The following TAFA2 variants were observed in gnomAD, a reference collection of about 807,000 sequenced individuals.
The protein encoded by TAFA2 is chemokine-like protein TAFA-2.
A neutral mutation model predicts 18.8 loss-of-function variants in TAFA2; 7 were observed. That is an observed-to-expected ratio of 0.37 (90% CI 0.21 to 0.70). TAFA2 has a LOEUF of 0.70. TAFA2 is among the 30% of genes least tolerant of loss of function. The probability of loss-of-function intolerance (pLI) is 0.53; values close to 1 mark genes in which losing one functional copy is unlikely to be tolerated. For synonymous variants in TAFA2, 60 were observed against 54.2 expected, an observed-to-expected ratio of 1.11 and a Z score of -0.47; for missense variants, 122 against 158.1, an observed-to-expected ratio of 0.77 and a Z score of 1.23.
intron 2 of TAFA2, among the ~76,000 whole-genome samples, chr12:61,821,361 G>A (rs1455450045): frequency 6.6e-6 from 1 of 151,948 alleles, no homozygotes; most frequent in Admixed American, 6.6e-5. Flanking sequence ...GCTAATCTAG[G>A]AAGAGGTTAG....
At chr12:61,951,187 C>T (rs1878452973) in intron 1 of TAFA2, among the ~76,000 whole-genome samples, 1 of 152,122 alleles carries the variant, frequency 6.6e-6, no homozygotes, top group Non-Finnish European at 1.5e-5. Context: ...GGATATGTGA[C>T]GCAGGAAAAA....
intron 2 of TAFA2, 52 bp from the exon 3 acceptor site, chr12:61,755,076 C>G: frequency 6.3e-7 from 1 of 1,577,464 alleles, no homozygotes; most frequent in Middle Eastern, 1.7e-4. Context: ...GGACACTTCC[C>G]CCCACCCTTC....
chr12:62,176,999 A>C (rs887979890), intron 1 of TAFA2, among the ~76,000 whole-genome samples: 15 of 152,360 alleles, frequency 9.8e-5, no homozygotes, highest in Admixed American at 3.3e-4. Flanking sequence ...GAAGGACACT[A>C]GTCCCTTACT....
At chr12:62,033,033 A>T (rs1185584067) in intron 1 of TAFA2, among the ~76,000 whole-genome samples, 1 of 152,134 alleles carries the variant, frequency 6.6e-6, no homozygotes, top group African/African-American at 2.4e-5. Flanking sequence ...TCTGCCCTGC[A>T]TGGAAACACG....
rs562151752 is a variant in TAFA2 at position 62,230,480 on chromosome 12, A to G, written c.-130+28283T>C. 6.6e-5 allele frequency among the ~76,000 whole-genome samples: 10 copies of G among 152,130 alleles called. No homozygotes were observed. In the South Asian group the frequency reaches 1.5e-3, roughly 22 times the overall value. On this transcript the variant is annotated intron_variant, in intron 1 of 5. Coordinates refer to the TAFA2 transcript ENST00000551619. ...TTCTTCATCAGCCCCTTGATCATTCAGGAGGATGTTGTTTTATTTCCATGA... is the reference window on the plus strand; with the variant it reads ...TTCTTCATCAGCCCCTTGATCATTCGGGAGGATGTTGTTTTATTTCCATGA...
At chr12:61,758,276 T>C (rs755715653) in intron 2 of TAFA2, among the ~76,000 whole-genome samples, 55 of 152,012 alleles carry the variant, frequency 3.6e-4, no homozygotes, top group African/African-American at 1.3e-3. Context: ...AGAGCTGGAA[T>C]GAATCATGGG....
At chr12:62,055,672 G>A (rs775115117) in intron 1 of TAFA2, among the ~76,000 whole-genome samples, 4 of 151,946 alleles carry the variant, frequency 2.6e-5, no homozygotes, top group Admixed American at 6.6e-5. Flanking sequence ...ATTTTAGATC[G>A]CCTTTTTCAA....
intron 2 of TAFA2, among the ~76,000 whole-genome samples, chr12:61,863,561 T>C (rs1367268188): frequency 6.6e-6 from 1 of 152,164 alleles, no homozygotes; most frequent in Non-Finnish European, 1.5e-5. Context: ...CTCTTACTAT[T>C]CCTCTTCAAG....
At chr12:61,965,654 C>A (rs775021543) in intron 1 of TAFA2, among the ~76,000 whole-genome samples, 10 of 151,858 alleles carry the variant, frequency 6.6e-5, no homozygotes, top group Admixed American at 1.3e-4. Flanking sequence ...ATTTCAGCAG[C>A]AACAAGTAAG....
At chr12:61,723,396 C>A (rs145434689) in intron 4 of TAFA2, among the ~76,000 whole-genome samples, 3 of 151,794 alleles carry the variant, frequency 2.0e-5, no homozygotes, top group Admixed American at 6.6e-5. Flanking sequence ...TAAATGAACA[C>A]GTGAATGAAT....
At chr12:62,105,711 A>G (rs114768685) in intron 1 of TAFA2, among the ~76,000 whole-genome samples, 245 of 152,342 alleles carry the variant, frequency 1.6e-3, no homozygotes, top group African/African-American at 5.7e-3. Flanking sequence ...ACCTATATAC[A>G]GTAATTTCCC....
At chr12:61,729,862 G>A (rs1336475089) in intron 4 of TAFA2, among the ~76,000 whole-genome samples, 1 of 152,054 alleles carries the variant, frequency 6.6e-6, no homozygotes, top group Admixed American at 6.6e-5. Context: ...CTATGTCAGA[G>A]GAAAGATCTG....
chr12:61,865,013 G>T (rs1874293390), intron 2 of TAFA2, among the ~76,000 whole-genome samples: 1 of 152,112 alleles, frequency 6.6e-6, no homozygotes, highest in African/African-American at 2.4e-5. Context: ...CAAGCCAAAT[G>T]TCCCACATTG....
chr12:61,857,100 T>C (rs1342859186), intron 2 of TAFA2, among the ~76,000 whole-genome samples: 4 of 151,990 alleles, frequency 2.6e-5, no homozygotes, highest in Middle Eastern at 3.3e-3. Context: ...TTATATTTTA[T>C]ATTCTAAAAT....
Position 61,755,017 on chromosome 12 carries a change from A to C in TAFA2, c.114T>G (p.His38Gln), listed in dbSNP as rs1352923710. The C allele has an allele frequency of 6.2e-7, 1 of 1,612,624 alleles. No homozygotes were observed. The highest frequency in any genetic ancestry group is 1.7e-5 in the Admixed American group (1 of 59,840). The change falls in exon 3 of 5, where the codon CAT (histidine) becomes CAG (glutamine). Residue 38 changes from histidine (H) to glutamine (Q), a missense_variant. By Grantham distance (24) the His-to-Gln change is conservative. Around this residue, in one of 2 missense-constraint regions of TAFA2, gnomAD observed 62 missense variants for 55.5 expected, o/e 1.12. Transcript: ENST00000416284. ...VSSANHHKAHHVKTGTCEVVA... is the reference protein window; with the variant it reads ...VSSANHHKAHQVKTGTCEVVA... ...CCACCTCACAAGTTCCCGTTTTAAC[A>C]TGGTGAGCTGCACAAACAAAAAAGA... is the stretch of plus-strand genomic sequence containing the variant.
At chr12:61,983,348 G>A (rs1879703125) in intron 1 of TAFA2, among the ~76,000 whole-genome samples, 1 of 152,058 alleles carries the variant, frequency 6.6e-6, no homozygotes, top group South Asian at 2.1e-4. Flanking sequence ...AACCAGGAAG[G>A]GGTGGAATTC....
intron 2 of TAFA2, among the ~76,000 whole-genome samples, chr12:61,862,582 A>G (rs1874174002): frequency 6.6e-6 from 1 of 152,098 alleles, no homozygotes; most frequent in South Asian, 2.1e-4. Flanking sequence ...CGGTAGAGGT[A>G]TTTATTTATT....
chr12:62,093,125 G>A (rs1273182530), intron 1 of TAFA2, among the ~76,000 whole-genome samples: 3 of 151,958 alleles, frequency 2.0e-5, no homozygotes, highest in Non-Finnish European at 4.4e-5. Flanking sequence ...GAACTTGGCT[G>A]TTATAAATTT....
intron 1 of TAFA2, among the ~76,000 whole-genome samples, chr12:62,114,700 A>G (rs530689936): frequency 1.3e-5 from 2 of 152,344 alleles, no homozygotes; most frequent in South Asian, 2.1e-4. Context: ...AAGGCAAAGT[A>G]CATGGCCGAG....
Sources: allele counts gnomAD v4.1 joint callset (sites outside exome capture counted in the v4.1 genomes callset), GRCh38; gene constraint gnomAD v4.1.1; regional missense constraint gnomAD v4.1.1; transcripts MANE v1.5; gene names NCBI Gene and HGNC (gene_info 2026-07-23, HGNC 2026-07-21).